Variants in DOT1L observed in about 807,000 individuals in gnomAD.
The protein encoded by DOT1L is DOT1 like histone lysine methyltransferase.
Under a neutral mutation model 153.3 loss-of-function variants are expected in DOT1L, and 33 were observed. The ratio of observed to expected loss-of-function variants is 0.22; its 90% CI spans 0.16 to 0.29. DOT1L has a LOEUF of 0.29. DOT1L is among the 10% of genes least tolerant of loss of function. The pLI, the probability that DOT1L is intolerant of heterozygous loss-of-function variation, is 1.00. For missense variants in DOT1L, 1,847 were observed against 2,119.9 expected (o/e 0.87, Z 2.53); for synonymous variants, 1,135 against 965.1 (o/e 1.18, Z -3.26).
chr19:2,194,400 T>C, intron 6 of DOT1L, 115 bp from the exon 7 acceptor site: 1 of 1,127,822 alleles, frequency 8.9e-7, no homozygotes, highest in Non-Finnish European at 1.3e-6. Flanking sequence ...CGCAATCTCC[T>C]GACCTCATGA....
chr19:2,227,062 C>A lies in DOT1L; in HGVS notation c.4541C>A (p.Ala1514Asp). 1 of 1,572,122 alleles carries A rather than the reference C, an allele frequency of 6.4e-7. No individual in the cohort carries two copies. Among genetic ancestry groups the A allele is most frequent in the Non-Finnish European group, 8.6e-7 (1 of 1,164,274 alleles). Residue 1514 changes from alanine (A) to aspartate (D), a missense_variant, in exon 27 of 28, where the codon GCC becomes GAC. By Grantham distance (126) the Ala-to-Asp change is moderately radical (BLOSUM62 -2). This residue lies in a region of DOT1L where 934 missense variants were observed against 825.3 expected (regional missense o/e 1.13). Transcript: ENST00000398665. ...GGCCTGGTGCACGTGTCGTCCGCTG[C>A]CACCAGACTGACCAACTCGCACGCC... ...AAGLVHVSSA[A>D]TRLTNSHAMG...
At chr19:2,166,375 C>T (rs553389053) in intron 1 of DOT1L, among the ~76,000 whole-genome samples, 4 of 149,002 alleles carry the variant, frequency 2.7e-5, no homozygotes, top group South Asian at 2.1e-4. Flanking sequence ...GGATTACAGG[C>T]ACGAGCCACC....
At position 2,207,475 on chromosome 19, in the gene DOT1L, C is replaced by T; in HGVS notation, c.857-99C>T. On this transcript the variant is annotated intron_variant, in intron 10 of 27. Transcript: ENST00000398665. This position sits in a 1 kb window ranked among gnomAD's most constrained non-coding sequence, Gnocchi z 4.5. The stretch of plus-strand genomic sequence containing the variant: ...GTGGGAGAAGAGGGAAGACGCGCAG[C>T]TCAGGCTTCTGTCCCCACGCCTGCC... The T allele has an allele frequency of 1.0e-6, 1 of 1,004,802 alleles. No homozygotes were observed. The highest frequency in any genetic ancestry group is 1.5e-5 in the South Asian group (1 of 65,766). The allele number at this position is 1,004,802 out of a possible 1,614,324, so 62.2% of individuals were successfully genotyped here.
intron 12 of DOT1L, among the ~76,000 whole-genome samples, 185 bp downstream of exon 12, chr19:2,209,161 T>A (rs2023616344): frequency 6.6e-6 from 1 of 151,858 alleles, no homozygotes; most frequent in African/African-American, 2.4e-5. Flanking sequence ...CCTGGTCCTC[T>A]CCCTACCCTT....
Position 2,214,615 on chromosome 19 carries a change from T to G in DOT1L, c.1923+19T>G. On this transcript the variant is annotated intron_variant, in intron 19 of 27. Coordinates refer to ENST00000398665, the MANE Select transcript of DOT1L (RefSeq NM_032482.3). The stretch of plus-strand genomic sequence containing the variant: ...GCTGCAGGTGGGCTGCGCGCGAGGC[T>G]GCACTCCGTGGTGTCCGAGCCTCTC... 1.9e-6 allele frequency: 3 copies of G among 1,608,502 alleles called. No homozygotes were observed. The South Asian group carries it at 3.3e-5, about 18-fold the overall frequency.
At chr19:2,198,717 C>G (rs2023124066) in intron 7 of DOT1L, among the ~76,000 whole-genome samples, 1 of 152,202 alleles carries the variant, frequency 6.6e-6, no homozygotes, top group South Asian at 2.1e-4. Context: ...GGTGCCCTCA[C>G]CCCCAACTAC....
Position 2,222,364 on chromosome 19 carries a change from C to G in DOT1L, c.3195C>G (p.Ser1065Arg). Residue 1065 changes from serine (S) to arginine (R), a missense_variant, in exon 24 of 28, where the codon AGC becomes AGG. This residue lies in a region of DOT1L where 934 missense variants were observed against 825.3 expected (regional missense o/e 1.13). Coordinates refer to ENST00000398665, the MANE Select transcript of DOT1L (RefSeq NM_032482.3). This position sits in a 1 kb window ranked among gnomAD's most constrained non-coding sequence, Gnocchi z 6.5. ...SAKQSPSSKH[S>R]PLTASARGDC... ...AGCAGTCGCCCTCCAGCAAGCACAG[C>G]CCCCTGACCGCCAGCGCCCGTGGGG... 6.2e-7 allele frequency: 1 copy of G among 1,612,176 alleles called. No individual in the cohort carries two copies. The highest frequency in any genetic ancestry group is 8.5e-7 in the Non-Finnish European group (1 of 1,179,618).
chr19:2,207,498 G>T lies in DOT1L; in HGVS notation c.857-76G>T. 1 of 1,294,442 alleles carries T rather than the reference G, an allele frequency of 7.7e-7. No individual in the cohort carries two copies. The highest frequency in any genetic ancestry group is 1.1e-6 in the Non-Finnish European group (1 of 926,894). The allele number at this position is 1,294,442 out of a possible 1,614,324, so 80.2% of individuals were successfully genotyped here. The stretch of plus-strand genomic sequence containing the variant: ...AGCTCAGGCTTCTGTCCCCACGCCT[G>T]CCCTGGGGTGGGTGAGGTCTGCATG... On this transcript the variant is annotated intron_variant, in intron 10 of 27. Transcript: ENST00000398665. This position sits in a 1 kb window ranked among gnomAD's most constrained non-coding sequence, Gnocchi z 4.5.
Position 2,217,950 on chromosome 19 carries a change from G to T in DOT1L, c.2691+32G>T, listed in dbSNP as rs757996313. 6.2e-7 allele frequency: 1 copy of T among 1,603,822 alleles called. No individual in the cohort carries two copies. On this transcript the variant is annotated intron_variant, in intron 22 of 27. Transcript: ENST00000398665. This position sits in a 1 kb window ranked among gnomAD's most constrained non-coding sequence, Gnocchi z 7.3. Reference sequence around the variant, plus strand: ...GGCTCCCAGGTGGCTGTCCCCAAGGGCCACGTTGAGGCAAAACAGTCTGGG... The same window carrying T: ...GGCTCCCAGGTGGCTGTCCCCAAGGTCCACGTTGAGGCAAAACAGTCTGGG...
intron 3 of DOT1L, 21 bp downstream of exon 3, chr19:2,185,950 C>G: frequency 6.2e-7 from 1 of 1,610,960 alleles, no homozygotes; most frequent in Non-Finnish European, 8.5e-7. Context: ...TCCTGTCCAG[C>G]CGCTCCGCTC....
At chr19:2,194,674 G>GCTGTTGGCACATGA in intron 7 of DOT1L, 97 bp downstream of exon 7, 1 of 1,431,992 alleles carries the variant, frequency 7.0e-7, no homozygotes, top group Non-Finnish European at 9.6e-7. Context: ...TTGGCACATG[G>GCTGTTGGCACATGA]CTGTTGGCAC....
chr19:2,194,754 A>T (rs781214733), intron 7 of DOT1L, among the ~76,000 whole-genome samples, 177 bp downstream of exon 7: 1 of 152,096 alleles, frequency 6.6e-6, no homozygotes, highest in Admixed American at 6.5e-5. Flanking sequence ...AGCCGGCAGC[A>T]GGCGCCTCTG....
At chr19:2,228,852 GC>G (rs2024481223) in intron 27 of DOT1L, 1 of 985,440 alleles carries the variant, frequency 1.0e-6, no homozygotes, top group Non-Finnish European at 1.2e-6. Context: ...AGCCAGGGTG[GC>G]TGGCTGGATG....
At chr19:2,185,833 C>T (rs539674849) in intron 2 of DOT1L, 22 bp from the exon 3 acceptor site, 33 of 1,612,536 alleles carry the variant, frequency 2.0e-5, no homozygotes, top group Non-Finnish European at 2.5e-5. Flanking sequence ...CCTTCCTGAT[C>T]GTTTCTGCTG....
intron 1 of DOT1L, among the ~76,000 whole-genome samples, chr19:2,178,094 T>C (rs2022038721): frequency 6.6e-6 from 1 of 151,658 alleles, no homozygotes. Context: ...AGCTAATTTT[T>C]TTTTTTTTTG....
chr19:2,223,186 G>C (rs1296693638), intron 24 of DOT1L, 95 bp from the exon 25 acceptor site: 2 of 1,374,580 alleles, frequency 1.5e-6, no homozygotes, highest in Admixed American at 1.8e-5. Context: ...GGAGACCCTG[G>C]GGTGCAGACA....
Position 2,190,177 on chromosome 19 carries a change from C to T in DOT1L, c.264+382C>T, listed in dbSNP as rs2022731975. ...GGACCTCCCCCACACCGCCTGCCTT[C>T]ATCAGGCTGGATGCCGGCCTGGGCT... On this transcript the variant is annotated intron_variant, in intron 4 of 27. Transcript: ENST00000398665. The surrounding 1 kb of genome is among the most constrained non-coding windows in gnomAD (Gnocchi z 4.8). 6.6e-6 allele frequency among the ~76,000 whole-genome samples: 1 copy of T among 152,144 alleles called. No individual in the cohort carries two copies. The highest frequency in any genetic ancestry group is 2.4e-5 in the African/African-American group (1 of 41,434).
chr19:2,231,178 G>A lies in DOT1L; in HGVS notation c.*1386G>A, dbSNP rs192196470. 7.9e-3 allele frequency: 1,792 copies of A among 227,856 alleles called. 20 individuals are homozygous for A. Among genetic ancestry groups the A allele is most frequent in the Non-Finnish European group, 0.011 (1,313 of 114,652 alleles). The allele number at this position is 227,856 out of a possible 1,614,324, so 14.1% of individuals were successfully genotyped here. On this transcript the variant is annotated 3_prime_UTR_variant, in exon 28 of 28. Coordinates refer to ENST00000398665, the MANE Select transcript of DOT1L (RefSeq NM_032482.3). ...GCTCTGTGCCCTCCCTGGAGGATGG[G>A]ATCTGGGAGTCTGAGCTCCCCGCAT...
At position 2,197,925 on chromosome 19, in the gene DOT1L, G is replaced by A. The variant is rs193040324; in HGVS notation, c.652-1959G>A. ...GCATCTGATATTGGAGGAAACCCTC[G>A]GAGCAACTCTCTGTGGCTTTGCCTG... On this transcript the variant is annotated intron_variant, in intron 7 of 27. Transcript: ENST00000398665. The surrounding 1 kb of genome is among the most constrained non-coding windows in gnomAD (Gnocchi z 4.1). Among the ~76,000 whole-genome samples the A allele has an allele frequency of 7.9e-5, 12 of 152,226 alleles. No homozygotes were observed. The highest frequency in any genetic ancestry group is 2.6e-4 in the African/African-American group (11 of 41,530).
Sources: allele counts gnomAD v4.1 joint callset (sites outside exome capture counted in the v4.1 genomes callset), GRCh38; gene constraint gnomAD v4.1.1; regional missense constraint gnomAD v4.1.1; non-coding constraint Gnocchi (gnomAD v3.1); transcripts MANE v1.5; gene names NCBI Gene and HGNC (gene_info 2026-07-23, HGNC 2026-07-21).